Variants in B3GALT1 observed in about 807,000 individuals in gnomAD.
The protein encoded by B3GALT1 is beta-1,3-galactosyltransferase 1, also known as UDP-Gal:betaGlcNAc beta 1,3-galactosyltransferase, polypeptide 1.
B3GALT1 carries 10 observed loss-of-function variants against 23.2 expected under a neutral mutation model. The ratio of observed to expected loss-of-function variants is 0.43; its 90% CI spans 0.27 to 0.73. The LOEUF is 0.73. Ranked by LOEUF, B3GALT1 falls within the 30% of genes least tolerant of loss-of-function variation. The pLI is 0.21. For missense variants in B3GALT1, 299 were observed against 405.4 expected, an observed-to-expected ratio of 0.74 and a Z score of 2.25; for synonymous variants, 156 against 141.5, an observed-to-expected ratio of 1.10 and a Z score of -0.73.
chr2:167,795,422 G>C (rs974162676), intron 3 of B3GALT1, among the ~76,000 whole-genome samples: 1 of 152,128 alleles, frequency 6.6e-6, no homozygotes, highest in Admixed American at 6.5e-5. Context: ...TTCTGCCCTG[G>C]TTAAAGTCAT....
At chr2:167,452,651 C>A (rs989685550) in intron 1 of B3GALT1, among the ~76,000 whole-genome samples, 1 of 152,146 alleles carries the variant, frequency 6.6e-6, no homozygotes, top group Non-Finnish European at 1.5e-5. Flanking sequence ...CAAAAGTACA[C>A]GATGTGAGTC....
chr2:167,400,879 C>G (rs1698177931), intron 1 of B3GALT1, among the ~76,000 whole-genome samples: 2 of 152,080 alleles, frequency 1.3e-5, no homozygotes, highest in South Asian at 4.1e-4. Flanking sequence ...AAACTGCAAC[C>G]TAAACTTCCA....
At chr2:167,550,071 T>C (rs1683718518) in intron 2 of B3GALT1, among the ~76,000 whole-genome samples, 1 of 152,226 alleles carries the variant, frequency 6.6e-6, no homozygotes, top group Non-Finnish European at 1.5e-5. Context: ...TTAAATGTAC[T>C]TAGCTTATCA....
intron 4 of B3GALT1, among the ~76,000 whole-genome samples, chr2:167,820,819 A>C (rs893449645): frequency 6.6e-6 from 1 of 152,270 alleles, no homozygotes. Context: ...GCAAAGCAAG[A>C]AAAAGTAGCA....
At chr2:167,486,184 C>T (rs940063634) in intron 1 of B3GALT1, among the ~76,000 whole-genome samples, 4 of 151,804 alleles carry the variant, frequency 2.6e-5, no homozygotes, top group Non-Finnish European at 5.9e-5. Context: ...CATGGTGAAA[C>T]CCCAACTCTA....
chr2:167,615,354 A>G (rs900210330), intron 2 of B3GALT1, among the ~76,000 whole-genome samples: 1 of 152,044 alleles, frequency 6.6e-6, no homozygotes, highest in African/African-American at 2.4e-5. Context: ...AACAAAGGGT[A>G]GAATGATGGT....
At chr2:167,862,703 C>T (rs1235431383) in intron 4 of B3GALT1, 1 of 152,250 alleles carries the variant, frequency 6.6e-6, no homozygotes, top group African/African-American at 2.4e-5. Context: ...CCCACCCGCT[C>T]CTAGGCCTTA....
At chr2:167,592,897 A>G (rs574456543) in intron 2 of B3GALT1, among the ~76,000 whole-genome samples, 1 of 152,350 alleles carries the variant, frequency 6.6e-6, no homozygotes, top group African/African-American at 2.4e-5. Context: ...TACACAGCAA[A>G]AGAAACAAAA....
chr2:167,558,508 G>A (rs946728872), intron 2 of B3GALT1, among the ~76,000 whole-genome samples: 1 of 152,200 alleles, frequency 6.6e-6, no homozygotes, highest in Non-Finnish European at 1.5e-5. Context: ...GCGAGGCATT[G>A]ACTCACTCCA....
rs1169813738 is a variant in B3GALT1 at position 167,699,380 on chromosome 2, ATTTTT to A, written c.-352+52435_-352+52439del. On this transcript the variant is annotated intron_variant, in intron 3 of 4. Coordinates refer to ENST00000392690, the MANE Select transcript of B3GALT1 (RefSeq NM_020981.4). The stretch of plus-strand genomic sequence containing the variant: ...GGGGGAGTTTTTTGCCATTATTTCT[ATTTTT>A]TTTTTTTTTTTTTTTTTTTTGAAGA... Among the ~76,000 whole-genome samples, 382 of 100,166 alleles carry A rather than the reference ATTTTT, an allele frequency of 3.8e-3. 1 individual carries two copies. Among genetic ancestry groups the A allele is most frequent in the African/African-American group, 0.012 (306 of 26,412 alleles). 65.7% of individuals were successfully genotyped at this position (100,166 alleles called of 152,430 possible).
At position 167,581,754 on chromosome 2, in the gene B3GALT1, A is replaced by G. The variant is rs193196137; in HGVS notation, c.-409-65155A>G. Among the ~76,000 whole-genome samples, 459 of 152,334 alleles carry G rather than the reference A, an allele frequency of 3.0e-3. 2 individuals are homozygous for G. Among genetic ancestry groups the G allele is most frequent in the Non-Finnish European group, 5.1e-3 (344 of 68,030 alleles). ...AATGCAGAGGCTGTTAAAAAACCAT[A>G]AAGGGGTTTGCACATTTTTTTGAGG... On this transcript the variant is annotated intron_variant, in intron 2 of 4. Coordinates refer to ENST00000392690, the MANE Select transcript of B3GALT1 (RefSeq NM_020981.4).
intron 2 of B3GALT1, among the ~76,000 whole-genome samples, chr2:167,591,829 TAGAG>T (rs1201866761): frequency 6.6e-6 from 1 of 151,720 alleles, no homozygotes; most frequent in Admixed American, 6.6e-5. Flanking sequence ...TGAGAGTAAA[TAGAG>T]AGGGACAAGG....
At chr2:167,734,637 A>G (rs1449248734) in intron 3 of B3GALT1, among the ~76,000 whole-genome samples, 1 of 152,066 alleles carries the variant, frequency 6.6e-6, no homozygotes, top group African/African-American at 2.4e-5. Context: ...AAAGTTCTCA[A>G]ATATGGATTT....
chr2:167,830,709 T>G (rs1174474620), intron 4 of B3GALT1, among the ~76,000 whole-genome samples: 1 of 152,270 alleles, frequency 6.6e-6, no homozygotes, highest in Non-Finnish European at 1.5e-5. Flanking sequence ...AATAAGCAAG[T>G]GCTTCCTTAA....
chr2:167,728,108 C>G (rs1432373452), intron 3 of B3GALT1, among the ~76,000 whole-genome samples: 1 of 152,122 alleles, frequency 6.6e-6, no homozygotes, highest in African/African-American at 2.4e-5. Context: ...TGCACCAGGC[C>G]GGGTATGGTG....
intron 4 of B3GALT1, among the ~76,000 whole-genome samples, chr2:167,857,448 C>G (rs1172242483): frequency 1.3e-5 from 2 of 152,004 alleles, no homozygotes; most frequent in Non-Finnish European, 2.9e-5. Flanking sequence ...GGCTGAGTCT[C>G]TAGCCATAGA....
chr2:167,460,195 T>C (rs1388179623), intron 1 of B3GALT1, among the ~76,000 whole-genome samples: 1 of 152,196 alleles, frequency 6.6e-6, no homozygotes, highest in Non-Finnish European at 1.5e-5. Flanking sequence ...TTGAATATTC[T>C]CCCTACCCCT....
intron 1 of B3GALT1, among the ~76,000 whole-genome samples, chr2:167,441,985 C>G (rs1390344386): frequency 6.6e-6 from 1 of 151,754 alleles, no homozygotes; most frequent in Non-Finnish European, 1.5e-5. Context: ...CCCATTAACT[C>G]GTCATCTAGC....
chr2:167,834,554 C>T (rs1689418837), intron 4 of B3GALT1, among the ~76,000 whole-genome samples: 1 of 152,142 alleles, frequency 6.6e-6, no homozygotes, highest in African/African-American at 2.4e-5. Flanking sequence ...GTTAGACTTT[C>T]TACAAATGTT....
Sources: allele counts gnomAD v4.1 joint callset (sites outside exome capture counted in the v4.1 genomes callset), GRCh38; gene constraint gnomAD v4.1.1; transcripts MANE v1.5; gene names NCBI Gene and HGNC (gene_info 2026-07-23, HGNC 2026-07-21).